UHMK1: variants seen among roughly 807,000 people sequenced by gnomAD.
UHMK1 encodes serine/threonine-protein kinase Kist.
A neutral mutation model predicts 44.0 loss-of-function variants in UHMK1; 18 were observed. The observed-to-expected ratio is 0.41, with a 90% CI of 0.28 to 0.61. The LOEUF is 0.61. Ranked by LOEUF, UHMK1 falls within the 20% of genes least tolerant of loss-of-function variation. UHMK1 has a pLI of 0.31. For synonymous variants in UHMK1, 231 were observed against 198.5 expected, an observed-to-expected ratio of 1.16 and a Z score of -1.38; for missense variants, 463 against 522.5, an observed-to-expected ratio of 0.89 and a Z score of 1.11.
intron 4 of UHMK1, among the ~76,000 whole-genome samples, chr1:162,507,994 G>T (rs1651539029): frequency 6.6e-6 from 1 of 151,990 alleles, no homozygotes; most frequent in South Asian, 2.1e-4. Context: ...TTTATGAAAT[G>T]ATTTTTAAAA....
chr1:162,503,852 T>C lies in UHMK1; in HGVS notation c.848+4T>C, dbSNP rs759252003. 2.5e-6 allele frequency: 4 copies of C among 1,611,424 alleles called. No homozygotes were observed. In the East Asian group the frequency reaches 8.9e-5, roughly 36 times the overall value. Reference sequence around the variant, plus strand: ...ACCTAAGAGACCTTATCAAAAGGTATGTTACACGTACCATAAACTTGCTTT... The same window carrying C: ...ACCTAAGAGACCTTATCAAAAGGTACGTTACACGTACCATAAACTTGCTTT... On this transcript the variant is annotated splice_donor_region_variant and intron_variant, in intron 4 of 7. Transcript: ENST00000489294.
In UHMK1 at chr1:162,499,940, A is replaced by C; in HGVS notation, c.269-15A>C. 1 of 1,611,730 alleles carries C rather than the reference A, an allele frequency of 6.2e-7. No individual in the cohort carries two copies. Among genetic ancestry groups the C allele is most frequent in the South Asian group, 1.1e-5 (1 of 90,658 alleles). ...CTGAGTCTGATTTTTAAAGTATTAT[A>C]ATTTCTTTTTCTAGTGACTTTGTAT... On this transcript the variant is annotated splice_polypyrimidine_tract_variant and intron_variant, in intron 1 of 7. Coordinates refer to ENST00000489294, the MANE Select transcript of UHMK1 (RefSeq NM_175866.5).
chr1:162,505,103 G>A (rs1208871309), intron 4 of UHMK1, among the ~76,000 whole-genome samples: 1 of 151,988 alleles, frequency 6.6e-6, no homozygotes, highest in Non-Finnish European at 1.5e-5. Flanking sequence ...TAATAAATTA[G>A]CTTAACTGTA....
At chr1:162,512,953 C>T (rs1651718413) in intron 6 of UHMK1, 130 bp downstream of exon 6, 1 of 940,080 alleles carries the variant, frequency 1.1e-6, no homozygotes, top group Non-Finnish European at 1.6e-6. Context: ...CTAATATACT[C>T]TCACTTTTAT....
At chr1:162,502,676 C>T (rs6687743) in intron 3 of UHMK1, among the ~76,000 whole-genome samples, 69,254 of 151,878 alleles carry the variant, frequency 0.46, 15,816 homozygotes, top group East Asian at 0.47. Context: ...AGATAAAACG[C>T]TATTTTTCTG....
At chr1:162,505,969 A>T (rs913036668) in intron 4 of UHMK1, among the ~76,000 whole-genome samples, 1 of 152,232 alleles carries the variant, frequency 6.6e-6, no homozygotes, top group African/African-American at 2.4e-5. Flanking sequence ...ACAGTATCAA[A>T]ACCAGTAAAT....
At chr1:162,504,719 A>G (rs1457148610) in intron 4 of UHMK1, among the ~76,000 whole-genome samples, 2 of 152,198 alleles carry the variant, frequency 1.3e-5, no homozygotes, top group East Asian at 1.9e-4. Flanking sequence ...ATTACTGTAC[A>G]CTATAAGACT....
intron 4 of UHMK1, among the ~76,000 whole-genome samples, chr1:162,511,183 C>CT (rs1351547978): frequency 8.8e-6 from 1 of 113,524 alleles, no homozygotes; most frequent in East Asian, 2.9e-4. Context: ...TTTCTTTTTT[C>CT]TTTTTCTTTT....
At chr1:162,522,298 A>G (rs1652086635) in intron 7 of UHMK1, 106 bp from the exon 8 acceptor site, 1 of 1,344,290 alleles carries the variant, frequency 7.4e-7, no homozygotes. Context: ...CAAAATCTGC[A>G]TTTTAATAAC....
rs1191328864 is a variant in UHMK1 at position 162,524,975 on chromosome 1, A to AC, written c.*2427dup. 6.6e-6 allele frequency: 1 copy of AC among 151,980 alleles called. No homozygotes were observed. Among genetic ancestry groups the AC allele is most frequent in the Non-Finnish European group, 1.5e-5 (1 of 68,002 alleles). 9.4% of individuals were successfully genotyped at this position (151,980 alleles called of 1,614,324 possible). A position where few individuals can be genotyped will look rare whatever the true frequency, so the allele number is the denominator to read the frequency against. ...AGTGGCTCAATCTCGGCTCACTGCA[A>AC]CCTCTGCCTCGCAGGTTTGAGCGAT... is the stretch of plus-strand genomic sequence containing the variant. On this transcript the variant is annotated 3_prime_UTR_variant, in exon 8 of 8. Coordinates refer to ENST00000489294, the MANE Select transcript of UHMK1 (RefSeq NM_175866.5).
intron 3 of UHMK1, 109 bp from the exon 4 acceptor site, chr1:162,503,645 C>A: frequency 3.4e-6 from 2 of 583,834 alleles, no homozygotes; most frequent in Non-Finnish European, 5.8e-6. Context: ...TGTAGGCTCT[C>A]AGAAGATAGT....
chr1:162,508,302 A>G lies in UHMK1; in HGVS notation c.849-4198A>G, dbSNP rs916535356. ...AATTTTCATGTTTTTAGTAGAGACA[A>G]GGTTTCACCATGTTGGCCAGGCTAG... On this transcript the variant is annotated intron_variant, in intron 4 of 7. Transcript: ENST00000489294. Among the ~76,000 whole-genome samples the G allele has an allele frequency of 1.1e-4, 16 of 152,034 alleles. No homozygotes were observed. The East Asian group carries it at 2.2e-3, about 21-fold the overall frequency.
At chr1:162,517,816 C>T (rs1277103098) in intron 6 of UHMK1, among the ~76,000 whole-genome samples, 11 of 151,694 alleles carry the variant, frequency 7.3e-5, no homozygotes, top group South Asian at 2.1e-4. Context: ...ACCCGAGAGG[C>T]GGAGGTTGCA....
upstream of UHMK1, chr1:162,497,268 G>A (rs1003257930): frequency 4.3e-6 from 3 of 702,620 alleles, no homozygotes; most frequent in Admixed American, 2.0e-5. Flanking sequence ...TTACCAGACC[G>A]AAGGTCTGTG....
intron 3 of UHMK1, among the ~76,000 whole-genome samples, chr1:162,502,032 T>C (rs184414980): frequency 6.6e-6 from 1 of 152,220 alleles, no homozygotes; most frequent in Non-Finnish European, 1.5e-5. Context: ...AAAAATTAGC[T>C]GGGTGTGATG....
chr1:162,513,816 C>T (rs191361110), intron 6 of UHMK1, among the ~76,000 whole-genome samples: 2 of 152,096 alleles, frequency 1.3e-5, no homozygotes, highest in African/African-American at 2.4e-5. Flanking sequence ...GGATTTTATC[C>T]GAGAGATAGT....
At chr1:162,510,144 A>G (rs552893869) in intron 4 of UHMK1, among the ~76,000 whole-genome samples, 21 of 152,312 alleles carry the variant, frequency 1.4e-4, no homozygotes, top group African/African-American at 5.1e-4. Context: ...TTTAAAGTAT[A>G]TATACATAAT....
chr1:162,519,547 C>G (rs1290670705), intron 7 of UHMK1, among the ~76,000 whole-genome samples: 4 of 152,126 alleles, frequency 2.6e-5, no homozygotes, highest in Non-Finnish European at 4.4e-5. Context: ...TGTGATGATC[C>G]TCATTTTCTT....
At position 162,525,104 on chromosome 1, in the gene UHMK1, C is replaced by T. The variant is rs2101689458; in HGVS notation, c.*2554C>T. 6.6e-6 allele frequency: 1 copy of T among 152,196 alleles called. No individual in the cohort carries two copies. The highest frequency in any genetic ancestry group is 1.9e-4 in the East Asian group (1 of 5,178). The allele number at this position is 152,196 out of a possible 1,614,324, so 9.4% of individuals were successfully genotyped here. ...CAGAGAATTGAAAAAGAAATGCCTC[C>T]TGTGATTGAAATTATTTTATAGCTC... On this transcript the variant is annotated 3_prime_UTR_variant, in exon 8 of 8. Transcript: ENST00000489294.
Sources: gnomAD v4.1 joint callset for allele counts (sites outside exome capture counted in the v4.1 genomes callset) on GRCh38, gnomAD v4.1.1 for gene constraint, MANE v1.5 for transcripts, NCBI Gene and HGNC (gene_info 2026-07-23, HGNC 2026-07-21) for gene names.